Variants in NRG3 observed in about 807,000 individuals in gnomAD.
NRG3 encodes neuregulin 3, also known as pro-neuregulin-3, membrane-bound isoform.
In NRG3, 31 loss-of-function variants were observed where a neutral mutation model predicts 66.9. The observed-to-expected ratio is 0.46, with a 90% CI of 0.35 to 0.63. The LOEUF (loss-of-function observed/expected upper bound fraction) is 0.63, where lower values mean the gene tolerates loss of function less well. Among genes scored for constraint, NRG3 ranks in the 20% least tolerant of loss-of-function variants. The pLI is 0.00. For synonymous variants in NRG3, 393 were observed against 359.4 expected, an observed-to-expected ratio of 1.09 and a Z score of -1.06; for missense variants, 910 against 878.9, an observed-to-expected ratio of 1.04 and a Z score of -0.45.
intron 1 of NRG3, among the ~76,000 whole-genome samples, chr10:82,141,900 A>G (rs1590269030): frequency 6.6e-6 from 1 of 152,242 alleles, no homozygotes; most frequent in East Asian, 1.9e-4. Context: ...CTCCTCTTCC[A>G]GAGGTGCATA....
At chr10:82,252,460 A>G (rs894578478) in intron 1 of NRG3, among the ~76,000 whole-genome samples, 2 of 152,176 alleles carry the variant, frequency 1.3e-5, no homozygotes, top group Non-Finnish European at 2.9e-5. Context: ...TATGCTAGGT[A>G]CTTTCCATGC....
At chr10:82,835,293 T>G (rs2135707184) in intron 3 of NRG3, among the ~76,000 whole-genome samples, 1 of 152,286 alleles carries the variant, frequency 6.6e-6, no homozygotes, top group African/African-American at 2.4e-5. Context: ...GACAGGAAAT[T>G]TCATATAACT....
chr10:82,106,837 A>C (rs2067096080), intron 1 of NRG3, among the ~76,000 whole-genome samples: 1 of 152,132 alleles, frequency 6.6e-6, no homozygotes, highest in South Asian at 2.1e-4. Flanking sequence ...AGGGATCTAC[A>C]AAAATATTTC....
intron 2 of NRG3, among the ~76,000 whole-genome samples, chr10:82,530,834 A>G (rs946440039): frequency 1.3e-5 from 2 of 151,856 alleles, no homozygotes; most frequent in African/African-American, 4.8e-5. Flanking sequence ...TTTTAATCGA[A>G]TGAGTTTATA....
intron 1 of NRG3, among the ~76,000 whole-genome samples, chr10:82,006,854 A>G (rs1439611706): frequency 1.3e-5 from 2 of 152,204 alleles, no homozygotes; most frequent in Admixed American, 1.3e-4. Flanking sequence ...AAAGGCTTAT[A>G]TCAATTAAGC....
rs1164444421 is a variant in NRG3, at chr10:82,398,491, ATGTG to A, written c.953+39656_953+39659del. Among the ~76,000 whole-genome samples, 650 of 139,126 alleles carry A rather than the reference ATGTG, an allele frequency of 4.7e-3. 5 individuals are homozygous for A. Among genetic ancestry groups the A allele is most frequent in the Middle Eastern group, 0.015 (4 of 262 alleles). 91.3% of individuals were successfully genotyped at this position (139,126 alleles called of 152,430 possible). On this transcript the variant is annotated intron_variant, in intron 2 of 8. Coordinates refer to ENST00000372141, the MANE Select transcript of NRG3 (RefSeq NM_001010848.4). ...TCTTCTAGTCATCTTGGCTTCGTGT[ATGTG>A]TGTGTGTGTGTGTGTGTGTGTGTGT...
intron 3 of NRG3, among the ~76,000 whole-genome samples, chr10:82,753,500 CT>C (rs2058957186): frequency 6.6e-6 from 1 of 152,084 alleles, no homozygotes; most frequent in East Asian, 1.9e-4. Flanking sequence ...TTTTTCCTTT[CT>C]TTTTTTCCAT....
intron 2 of NRG3, among the ~76,000 whole-genome samples, chr10:82,694,873 C>T (rs967596704): frequency 2.0e-5 from 3 of 152,258 alleles, no homozygotes; most frequent in Middle Eastern, 3.4e-3. Flanking sequence ...GTTCATACAA[C>T]CTCATTGAAC....
chr10:82,864,141 T>C (rs377380532), intron 3 of NRG3, among the ~76,000 whole-genome samples: 1 of 151,966 alleles, frequency 6.6e-6, no homozygotes, highest in South Asian at 2.1e-4. Flanking sequence ...GAGTTTCTGA[T>C]TGGGGTGATG....
chr10:82,747,973 T>C (rs906447306), intron 3 of NRG3, among the ~76,000 whole-genome samples: 3 of 151,744 alleles, frequency 2.0e-5, no homozygotes, highest in Admixed American at 2.0e-4. Flanking sequence ...AAGAGTAATA[T>C]GTTTAAAAAC....
chr10:82,215,963 CTTTTTTTTTTTT>C (rs71894841), intron 1 of NRG3, among the ~76,000 whole-genome samples: 15,509 of 90,356 alleles, frequency 0.17, 1,131 homozygotes, highest in Middle Eastern at 0.33. Flanking sequence ...TTATGTTTTC[CTTTTTTTTTTTT>C]TTTTTTTTTT....
At chr10:82,212,200 C>T (rs1404484388) in intron 1 of NRG3, among the ~76,000 whole-genome samples, 3 of 152,142 alleles carry the variant, frequency 2.0e-5, no homozygotes, top group African/African-American at 2.4e-5. Context: ...ATGGTTCAAA[C>T]TAATAAATGC....
chr10:82,419,450 G>T (rs1184998338), intron 2 of NRG3, among the ~76,000 whole-genome samples: 1 of 152,094 alleles, frequency 6.6e-6, no homozygotes, highest in Non-Finnish European at 1.5e-5. Context: ...TTTTATAAAG[G>T]TTGTCTCTGA....
At chr10:82,955,435 T>A (rs76674746) in intron 5 of NRG3, among the ~76,000 whole-genome samples, 1 of 151,972 alleles carries the variant, frequency 6.6e-6, no homozygotes, top group African/African-American at 2.4e-5. Context: ...ACGCAATGAC[T>A]GTAAATTATT....
intron 2 of NRG3, among the ~76,000 whole-genome samples, chr10:82,420,995 G>T (rs1356781821): frequency 6.6e-6 from 1 of 152,100 alleles, no homozygotes; most frequent in Non-Finnish European, 1.5e-5. Context: ...AGAAGGGTGT[G>T]TTAATTACAG....
intron 7 of NRG3, among the ~76,000 whole-genome samples, chr10:82,974,720 T>C (rs1852088842): frequency 6.6e-6 from 1 of 152,204 alleles, no homozygotes; most frequent in African/African-American, 2.4e-5. Flanking sequence ...ATTTTAACAA[T>C]GAAAAAGTAA....
chr10:82,106,707 T>C (rs1163285484), intron 1 of NRG3, among the ~76,000 whole-genome samples: 1 of 151,968 alleles, frequency 6.6e-6, no homozygotes, highest in African/African-American at 2.4e-5. Context: ...GTTTTCTCCA[T>C]GTTGGCCAGG....
chr10:82,062,168 G>A (rs966050478), intron 1 of NRG3, among the ~76,000 whole-genome samples: 3 of 152,112 alleles, frequency 2.0e-5, no homozygotes, highest in African/African-American at 7.2e-5. Flanking sequence ...TATCTCTAGA[G>A]TGTTCTTTCC....
chr10:82,074,052 G>A (rs961039200), intron 1 of NRG3, among the ~76,000 whole-genome samples: 2 of 151,834 alleles, frequency 1.3e-5, no homozygotes, highest in African/African-American at 4.9e-5. Flanking sequence ...CAGCAGCATA[G>A]CATCAAATAG....
Sources: gnomAD v4.1 joint callset for allele counts (sites outside exome capture counted in the v4.1 genomes callset) on GRCh38, gnomAD v4.1.1 for gene constraint, MANE v1.5 for transcripts, NCBI Gene and HGNC (gene_info 2026-07-23, HGNC 2026-07-21) for gene names.